The following CLUAP1 variants were observed in gnomAD, a reference collection of about 807,000 sequenced individuals.
CLUAP1 encodes the protein clusterin-associated protein 1.
Under a neutral mutation model 55.0 loss-of-function variants are expected in CLUAP1, and 50 were observed. The observed-to-expected ratio is 0.91, with a 90% CI of 0.72 to 1.15. CLUAP1 has a LOEUF of 1.15. Among genes scored for constraint, CLUAP1 ranks in the 50% most tolerant of loss-of-function variants. The pLI is 0.00. For synonymous variants in CLUAP1, 195 were observed against 175.4 expected, an observed-to-expected ratio of 1.11 and a Z score of -0.88; for missense variants, 530 against 507.6, an observed-to-expected ratio of 1.04 and a Z score of -0.42.
chr16:3,519,635 C>T (rs1270830677), intron 6 of CLUAP1, among the ~76,000 whole-genome samples: 2 of 152,178 alleles, frequency 1.3e-5, no homozygotes, highest in Admixed American at 1.3e-4. Context: ...GACCAGGACA[C>T]TCTTCTTTGC....
In CLUAP1 at chr16:3,508,274, TTG is replaced by T; in HGVS notation, c.220-14_220-13del. On this transcript the variant is annotated splice_polypyrimidine_tract_variant and intron_variant, in intron 3 of 11. Coordinates refer to ENST00000576634, the MANE Select transcript of CLUAP1 (RefSeq NM_015041.3). ...AAAGGGCCTTCAACTTTTTTTTTTT[TTG>T]GTCTAAAAATAGGCCACCAAGGCAC... The T allele has an allele frequency of 6.3e-7, 1 of 1,581,370 alleles. No individual in the cohort carries two copies. The highest frequency in any genetic ancestry group is 1.4e-5 in the African/African-American group (1 of 72,358).
chr16:3,523,914 C>T (rs1489527232), intron 8 of CLUAP1, among the ~76,000 whole-genome samples: 1 of 152,112 alleles, frequency 6.6e-6, no homozygotes, highest in Admixed American at 6.5e-5. Context: ...TGCAGTGAGC[C>T]AAGATCGTGC....
At chr16:3,531,866 CA>C (rs1198401122) in intron 10 of CLUAP1, among the ~76,000 whole-genome samples, 1 of 148,908 alleles carries the variant, frequency 6.7e-6, no homozygotes, top group Non-Finnish European at 1.5e-5. Flanking sequence ...CTTTTTGAGA[CA>C]AAGTCTCGCT....
intron 1 of CLUAP1, among the ~76,000 whole-genome samples, chr16:3,502,922 G>A (rs866670919): frequency 6.6e-6 from 1 of 152,214 alleles, no homozygotes; most frequent in African/African-American, 2.4e-5. Flanking sequence ...AACTTGACTA[G>A]TACCTAGTGG....
chr16:3,530,856 T>G (rs1044300314), intron 10 of CLUAP1, among the ~76,000 whole-genome samples, 181 bp downstream of exon 10: 1 of 152,172 alleles, frequency 6.6e-6, no homozygotes, highest in Non-Finnish European at 1.5e-5. Context: ...TGCTCAGTGG[T>G]CATGTTTGCT....
the CLUAP1 span, chr16:3,495,547 A>G: frequency 1.3e-6 from 2 of 1,503,220 alleles, no homozygotes; most frequent in Non-Finnish European, 1.8e-6. Flanking sequence ...CACGGGGAAG[A>G]CTCCCAGCCT....
At chr16:3,531,837 C>T (rs74356580) in intron 10 of CLUAP1, among the ~76,000 whole-genome samples, 4,556 of 151,688 alleles carry the variant, frequency 0.03, 198 homozygotes, top group African/African-American at 0.097. Flanking sequence ...AGATCTGCCC[C>T]CTAATTTTTT....
At chr16:3,496,140 C>CAA (rs74546027), upstream of CLUAP1, 783 of 340,310 alleles carry the variant, frequency 2.3e-3, no homozygotes, top group South Asian at 3.6e-3. Flanking sequence ...GACTCCGTCT[C>CAA]AAAAAAAAAA....
At chr16:3,533,329 G>T (rs184923351) in intron 11 of CLUAP1, 24 of 599,088 alleles carry the variant, frequency 4.0e-5, no homozygotes, top group Admixed American at 5.8e-5. Context: ...AAGTGGAGGC[G>T]CAGGCACGGA....
intron 11 of CLUAP1, chr16:3,533,295 G>C (rs1179877589): frequency 1.4e-6 from 1 of 696,882 alleles, no homozygotes; most frequent in Non-Finnish European, 2.4e-6. Context: ...GGTGACAGCG[G>C]GATCACTGAA....
intron 4 of CLUAP1, among the ~76,000 whole-genome samples, chr16:3,510,460 C>A (rs938744606): frequency 6.6e-6 from 1 of 152,158 alleles, no homozygotes; most frequent in African/African-American, 2.4e-5. Context: ...TAACCAGGAG[C>A]GACACTCGTC....
intron 6 of CLUAP1, among the ~76,000 whole-genome samples, chr16:3,517,669 C>T (rs890882190): frequency 3.9e-5 from 6 of 152,150 alleles, no homozygotes; most frequent in African/African-American, 1.4e-4. Context: ...GAGAAGCCTG[C>T]CAGTCACCCC....
At chr16:3,530,699 C>T in intron 10 of CLUAP1, 24 bp downstream of exon 10, 1 of 1,577,802 alleles carries the variant, frequency 6.3e-7, no homozygotes, top group Non-Finnish European at 8.7e-7. Flanking sequence ...TTTCGCTGGA[C>T]TTCCTCCCTG....
chr16:3,512,497 C>T lies in CLUAP1; in HGVS notation c.495+19C>T. On this transcript the variant is annotated intron_variant, in intron 5 of 11. Coordinates refer to ENST00000576634, the MANE Select transcript of CLUAP1 (RefSeq NM_015041.3). ...GTTGAGGGTAAGCATTCCAGTACTTCCTTAACCATGCAGATTTTCTCTTCA... is the reference window on the plus strand; with the variant it reads ...GTTGAGGGTAAGCATTCCAGTACTTTCTTAACCATGCAGATTTTCTCTTCA... The T allele has an allele frequency of 6.4e-7, 1 of 1,562,938 alleles. No individual in the cohort carries two copies. The highest frequency in any genetic ancestry group is 8.8e-7 in the Non-Finnish European group (1 of 1,134,724).
At chr16:3,525,071 G>A (rs1287053580) in intron 8 of CLUAP1, among the ~76,000 whole-genome samples, 2 of 152,168 alleles carry the variant, frequency 1.3e-5, no homozygotes, top group African/African-American at 2.4e-5. Flanking sequence ...AGTACCTAAC[G>A]CATCCGTGTG....
chr16:3,537,277 T>C lies in CLUAP1; in HGVS notation c.*1006T>C, dbSNP rs565964157. 2 of 152,296 alleles carry C rather than the reference T, an allele frequency of 1.3e-5. No individual in the cohort carries two copies. Among genetic ancestry groups the C allele is most frequent in the East Asian group, 1.9e-4 (1 of 5,192 alleles). 9.4% of individuals were successfully genotyped at this position (152,296 alleles called of 1,614,324 possible). A position where few individuals can be genotyped will look rare whatever the true frequency, so the allele number is the denominator to read the frequency against. ...GATTTAAAAAAACAACAACACAGGA[T>C]TGAATTAAGTAGAGTAATAGCACTA... On this transcript the variant is annotated 3_prime_UTR_variant, in exon 12 of 12. Coordinates refer to ENST00000576634, the MANE Select transcript of CLUAP1 (RefSeq NM_015041.3).
intron 5 of CLUAP1, among the ~76,000 whole-genome samples, chr16:3,514,321 C>G (rs896591614): frequency 6.6e-6 from 1 of 152,180 alleles, no homozygotes; most frequent in Non-Finnish European, 1.5e-5. Flanking sequence ...GAATGTAGTA[C>G]TTGTCAAATT....
upstream of CLUAP1, among the ~76,000 whole-genome samples, chr16:3,497,333 AAAG>A (rs1346754654): frequency 1.3e-5 from 2 of 152,242 alleles, no homozygotes; most frequent in African/African-American, 2.4e-5. Context: ...CAAAGAATAA[AAAG>A]AATAAAATAG....
At chr16:3,506,217 G>T in intron 2 of CLUAP1, 114 bp from the exon 3 acceptor site, 1 of 805,022 alleles carries the variant, frequency 1.2e-6, no homozygotes, top group South Asian at 1.5e-5. Context: ...CTCCCACTTG[G>T]GGACTTGGAG....
Sources: allele counts gnomAD v4.1 joint callset (sites outside exome capture counted in the v4.1 genomes callset), GRCh38; gene constraint gnomAD v4.1.1; transcripts MANE v1.5; gene names NCBI Gene and HGNC (gene_info 2026-07-23, HGNC 2026-07-21).